NDUFAB1: variants seen among roughly 807,000 people sequenced by gnomAD.
NDUFAB1 encodes acyl carrier protein, mitochondrial.
A neutral mutation model predicts 16.1 loss-of-function variants in NDUFAB1; 5 were observed. That is an observed-to-expected ratio of 0.31 (90% CI 0.16 to 0.65). NDUFAB1 has a LOEUF of 0.65. Ranked by LOEUF, NDUFAB1 falls within the 30% of genes least tolerant of loss-of-function variation. The pLI is 0.77. For synonymous variants in NDUFAB1, 85 were observed against 78.4 expected (o/e 1.08, Z -0.44); for missense variants, 187 against 205.3 (o/e 0.91, Z 0.54).
At chr16:23,594,594 C>T (rs536618105) in intron 1 of NDUFAB1, among the ~76,000 whole-genome samples, 33 of 152,120 alleles carry the variant, frequency 2.2e-4, no homozygotes, top group African/African-American at 5.5e-4. Context: ...CCTCGTGATC[C>T]GCCCGCCTCG....
At position 23,596,204 on chromosome 16, in the gene NDUFAB1, G is replaced by C. The variant is rs11541098; in HGVS notation, c.87C>G (p.Ala29=). Residue 29 remains alanine (A), a synonymous_variant, in exon 1 of 5, where the codon GCC becomes GCG. Transcript: ENST00000007516. The part of the protein sequence containing the change: ...PLPRVRMLAV[A]RPLSTALCSA... ...AGCAGAGAGCGGTGCTGAGAGGCCGGGCCACGGCCAGCATCCGGACCCGGG... is the reference window on the plus strand; with the variant it reads ...AGCAGAGAGCGGTGCTGAGAGGCCGCGCCACGGCCAGCATCCGGACCCGGG... The C allele has an allele frequency of 1.2e-6, 2 of 1,610,172 alleles. No individual in the cohort carries two copies. Among genetic ancestry groups the C allele is most frequent in the South Asian group, 1.1e-5 (1 of 90,660 alleles).
At chr16:23,595,796 T>C (rs1314725725) in intron 1 of NDUFAB1, among the ~76,000 whole-genome samples, 2 of 152,220 alleles carry the variant, frequency 1.3e-5, no homozygotes, top group Admixed American at 6.5e-5. Context: ...ACTCATCTAA[T>C]CCTCATTGCT....
chr16:23,589,306 A>C (rs1194254567), intron 1 of NDUFAB1, among the ~76,000 whole-genome samples: 1 of 152,078 alleles, frequency 6.6e-6, no homozygotes, highest in African/African-American at 2.4e-5. Context: ...CAAGAAAAAA[A>C]AAAAAAAAAT....
intron 2 of NDUFAB1, 37 bp from the exon 3 acceptor site, chr16:23,585,460 A>C (rs762515979): frequency 6.8e-7 from 1 of 1,467,074 alleles, no homozygotes; most frequent in Admixed American, 1.7e-5. Flanking sequence ...AATTTAGTCC[A>C]TGAAAGCATC....
chr16:23,583,537 C>T (rs545383856), intron 3 of NDUFAB1, among the ~76,000 whole-genome samples: 17 of 152,052 alleles, frequency 1.1e-4, no homozygotes, highest in Admixed American at 3.9e-4. Context: ...CGCCTCTGCC[C>T]GGCCGCGACC....
At chr16:23,584,272 AAAG>A (rs1966214024) in intron 3 of NDUFAB1, among the ~76,000 whole-genome samples, 1 of 140,182 alleles carries the variant, frequency 7.1e-6, no homozygotes, top group Admixed American at 7.2e-5. Context: ...AAAAAAAAAA[AAAG>A]AAACCCAGTG....
Position 23,590,638 on chromosome 16 carries a change from C to CTTTTTTTTTT in NDUFAB1, c.169-3329_169-3320dup, listed in dbSNP as rs398042088. On this transcript the variant is annotated intron_variant, in intron 1 of 4. Transcript: ENST00000007516. ...CCTCTCATGCTCCTGCCTCTGGTCT[C>CTTTTTTTTTT]TTTTTTTTTTTTTTTTCAGACAGAG... Among the ~76,000 whole-genome samples, 329 of 131,770 alleles carry CTTTTTTTTTT rather than the reference C, an allele frequency of 2.5e-3. 8 individuals are homozygous for CTTTTTTTTTT. Among genetic ancestry groups the CTTTTTTTTTT allele is most frequent in the African/African-American group, 6.4e-3 (223 of 34,746 alleles). The allele number at this position is 131,770 out of a possible 152,430, so 86.4% of individuals were successfully genotyped here.
Position 23,596,262 on chromosome 16 carries a change from A to C in NDUFAB1, c.29T>G (p.Val10Gly). Reference protein sequence around the residue: MASRVLSAYVSRLPAAFAPL... With the variant: MASRVLSAYGSRLPAAFAPL... Reference sequence around the variant, plus strand: ...CGCAAAGGCCGCGGGCAGGCGGCTGACATAGGCTGAAAGGACACGAGACGC... The same window carrying C: ...CGCAAAGGCCGCGGGCAGGCGGCTGCCATAGGCTGAAAGGACACGAGACGC... The change falls in exon 1 of 5, where the codon GTC becomes GGC. Residue 10 changes from valine to glycine, a missense_variant. This residue lies in a region of NDUFAB1 where 135 missense variants were observed against 129.4 expected (regional missense o/e 1.04). Transcript: ENST00000007516. 4 of 1,589,240 alleles carry C rather than the reference A, an allele frequency of 2.5e-6. No individual in the cohort carries two copies. Among genetic ancestry groups the C allele is most frequent in the Non-Finnish European group, 3.4e-6 (4 of 1,169,470 alleles).
chr16:23,582,395 C>A lies in NDUFAB1; in HGVS notation c.380-20G>T. The A allele has an allele frequency of 1.3e-6, 2 of 1,536,658 alleles. No homozygotes were observed. Among genetic ancestry groups the A allele is most frequent in the South Asian group, 1.2e-5 (1 of 80,070 alleles). On this transcript the variant is annotated intron_variant, in intron 3 of 4. Coordinates refer to ENST00000007516, the MANE Select transcript of NDUFAB1 (RefSeq NM_005003.3). ...CAAACCCTAAAAGAAAAATATACAA[C>A]AATGTGAGAGAGTTAAAAAAAAAAA...
At chr16:23,583,112 C>T (rs896648527) in intron 3 of NDUFAB1, among the ~76,000 whole-genome samples, 10 of 152,410 alleles carry the variant, frequency 6.6e-5, no homozygotes, top group African/African-American at 2.4e-4. Context: ...GTCTCGTTCA[C>T]TCAGTGCACA....
In NDUFAB1 at chr16:23,585,443, A is replaced by C; in HGVS notation, c.292-20T>G. 1 of 1,586,160 alleles carries C rather than the reference A, an allele frequency of 6.3e-7. No homozygotes were observed. The highest frequency in any genetic ancestry group is 1.1e-5 in the South Asian group (1 of 90,462). On this transcript the variant is annotated intron_variant, in intron 2 of 4. Coordinates refer to ENST00000007516, the MANE Select transcript of NDUFAB1 (RefSeq NM_005003.3). ...TGAAAGCTGCAAGAAAGGAGCACCA[A>C]ACACAAAATTTAGTCCATGAAAGCA... is the stretch of plus-strand genomic sequence containing the variant.
intron 3 of NDUFAB1, among the ~76,000 whole-genome samples, chr16:23,583,772 A>G (rs1948331945): frequency 6.7e-6 from 1 of 150,124 alleles, no homozygotes; most frequent in Admixed American, 6.6e-5. Context: ...CCAACAGCTC[A>G]TTGAGAACGG....
In NDUFAB1 at chr16:23,581,051, T is replaced by C. The variant is rs1455564129; in HGVS notation, c.*131A>G. 3 of 152,572 alleles carry C rather than the reference T, an allele frequency of 2.0e-5. No individual in the cohort carries two copies. The highest frequency in any genetic ancestry group is 1.9e-4 in the East Asian group (1 of 5,196). 9.5% of individuals were successfully genotyped at this position (152,572 alleles called of 1,614,324 possible). ...ATTTATTTTCAAAGAGTAAAACACA[T>C]ACAATTTAAATACAAGTCCATCAGA... On this transcript the variant is annotated 3_prime_UTR_variant, in exon 5 of 5. Transcript: ENST00000007516.
chr16:23,583,655 G>A (rs1419317886), intron 3 of NDUFAB1, among the ~76,000 whole-genome samples: 3 of 122,494 alleles, frequency 2.4e-5, no homozygotes, highest in African/African-American at 3.5e-5. Context: ...CCCTCCGCCC[G>A]GCAGCCGCCC....
intron 2 of NDUFAB1, 118 bp downstream of exon 2, chr16:23,587,079 G>A: frequency 1.0e-6 from 1 of 964,324 alleles, no homozygotes; most frequent in Admixed American, 2.3e-5. Flanking sequence ...CTCCCAGAAT[G>A]GGCCTGGGTG....
At chr16:23,583,825 A>T (rs1191792530) in intron 3 of NDUFAB1, among the ~76,000 whole-genome samples, 1 of 152,180 alleles carries the variant, frequency 6.6e-6, no homozygotes, top group Non-Finnish European at 1.5e-5. Context: ...AAAAGGGGGA[A>T]ATGTGGGGAA....
chr16:23,595,119 C>T (rs1244788625), intron 1 of NDUFAB1, among the ~76,000 whole-genome samples: 4 of 151,906 alleles, frequency 2.6e-5, no homozygotes, highest in Non-Finnish European at 4.4e-5. Context: ...GGCATGGTGG[C>T]GGGCGCCTGT....
At position 23,582,723 on chromosome 16, in the gene NDUFAB1, C is replaced by T. The variant is rs940668123; in HGVS notation, c.380-348G>A. ...ACCCAGCTCCCTCTCCCTCTCCCCACGGTCTCCCTCTCCCTCTCCCTCTTC... is the reference window on the plus strand; with the variant it reads ...ACCCAGCTCCCTCTCCCTCTCCCCATGGTCTCCCTCTCCCTCTCCCTCTTC... On this transcript the variant is annotated intron_variant, in intron 3 of 4. Transcript: ENST00000007516. Among the ~76,000 whole-genome samples, 9 of 150,214 alleles carry T rather than the reference C, an allele frequency of 6.0e-5. 1 individual carries two copies. Among genetic ancestry groups the T allele is most frequent in the African/African-American group, 1.2e-4 (5 of 40,974 alleles).
At chr16:23,591,863 CTTTA>C (rs1966283218) in intron 1 of NDUFAB1, among the ~76,000 whole-genome samples, 1 of 152,184 alleles carries the variant, frequency 6.6e-6, no homozygotes, top group Non-Finnish European at 1.5e-5. Flanking sequence ...AATGCCTTGC[CTTTA>C]TTTACACGAC....
Sources: gnomAD v4.1 joint callset for allele counts (sites outside exome capture counted in the v4.1 genomes callset) on GRCh38, gnomAD v4.1.1 for gene constraint, gnomAD v4.1.1 regional missense constraint, MANE v1.5 for transcripts, NCBI Gene and HGNC (gene_info 2026-07-23, HGNC 2026-07-21) for gene names.